The following CIB4 variants were observed in gnomAD, a reference collection of about 807,000 sequenced individuals.
CIB4 encodes calcium and integrin binding family member 4.
CIB4 carries 25 observed loss-of-function variants against 25.8 expected under a neutral mutation model. That is an observed-to-expected ratio of 0.97 (90% confidence interval 0.71 to 1.35). The LOEUF is 1.35. Among genes scored for constraint, CIB4 ranks in the 40% most tolerant of loss-of-function variants. CIB4 has a pLI of 0.00. For missense variants in CIB4, 235 were observed against 228.2 expected, an observed-to-expected ratio of 1.03 and a Z score of -0.19; for synonymous variants, 75 against 81.4, an observed-to-expected ratio of 0.92 and a Z score of 0.42.
At chr2:26,582,758 G>C (rs780668047) in intron 6 of CIB4, 67 bp downstream of exon 6, 37 of 934,104 alleles carry the variant, frequency 4.0e-5, no homozygotes, top group Non-Finnish European at 5.4e-5. Flanking sequence ...GGAGTGAGGA[G>C]AGACTGGGGG....
intron 3 of CIB4, among the ~76,000 whole-genome samples, chr2:26,604,359 G>A (rs1225511191): frequency 6.6e-6 from 1 of 152,058 alleles, no homozygotes; most frequent in Admixed American, 6.5e-5. Context: ...CAGCCTGGGT[G>A]ACAGAGCAAG....
chr2:26,589,107 CCTCTTCT>C lies in CIB4; in HGVS notation c.329-5216_329-5210del, dbSNP rs1558555129. On this transcript the variant is annotated intron_variant, in intron 4 of 6. Transcript: ENST00000288861. ...TCTTCTTCTTCTTCTTCTTCTTCTT[CCTCTTCT>C]TCTTCTTCTTCTTCTTCTTCTTCTT... Among the ~76,000 whole-genome samples, 364 of 92,314 alleles carry C rather than the reference CCTCTTCT, an allele frequency of 3.9e-3. 18 individuals are homozygous for C. The highest frequency in any genetic ancestry group is 0.011 in the Middle Eastern group (2 of 176). The allele number at this position is 92,314 out of a possible 152,430, so 60.6% of individuals were successfully genotyped here. A position where few individuals can be genotyped will look rare whatever the true frequency, so the allele number is the denominator to read the frequency against.
intron 3 of CIB4, among the ~76,000 whole-genome samples, chr2:26,610,652 C>G (rs1668980987): frequency 6.6e-6 from 1 of 152,202 alleles, no homozygotes; most frequent in Non-Finnish European, 1.5e-5. Context: ...TATACCTTCC[C>G]TCGGGTCCAA....
chr2:26,605,850 C>CAA (rs1668879259), intron 3 of CIB4, among the ~76,000 whole-genome samples: 1 of 152,200 alleles, frequency 6.6e-6, no homozygotes, highest in South Asian at 2.1e-4. Context: ...GGTCAGGACT[C>CAA]AAATTCTGAA....
At chr2:26,640,922 G>C (rs935278365) in intron 1 of CIB4, among the ~76,000 whole-genome samples, 2 of 152,172 alleles carry the variant, frequency 1.3e-5, no homozygotes, top group African/African-American at 2.4e-5. Flanking sequence ...AGGGACCACC[G>C]CTACCCCGCC....
intron 6 of CIB4, 53 bp downstream of exon 6, chr2:26,582,772 T>C: frequency 2.6e-6 from 3 of 1,147,268 alleles, no homozygotes; most frequent in Non-Finnish European, 3.9e-6. Flanking sequence ...CTGGGGGCCC[T>C]TCCTGCCCCC....
chr2:26,623,017 T>A (rs1385942309), intron 3 of CIB4, among the ~76,000 whole-genome samples: 1 of 150,836 alleles, frequency 6.6e-6, no homozygotes, highest in Non-Finnish European at 1.5e-5. Context: ...AATAAATAAA[T>A]GATAAAAACT....
At chr2:26,606,358 G>A (rs889431160) in intron 3 of CIB4, among the ~76,000 whole-genome samples, 4 of 152,202 alleles carry the variant, frequency 2.6e-5, no homozygotes, top group South Asian at 2.1e-4. Context: ...CAAAGGGCTC[G>A]GAAGGAGAAA....
intron 4 of CIB4, among the ~76,000 whole-genome samples, chr2:26,593,303 G>A (rs776270958): frequency 2.0e-5 from 3 of 151,360 alleles, no homozygotes; most frequent in Non-Finnish European, 4.4e-5. Flanking sequence ...TATATGTAGA[G>A]ATATGTGTGT....
intron 5 of CIB4, 107 bp downstream of exon 5, chr2:26,583,682 G>C: frequency 1.3e-6 from 1 of 746,848 alleles, no homozygotes; most frequent in Non-Finnish European, 2.4e-6. Flanking sequence ...CCTCAGGCTG[G>C]CCCTGGGTCT....
chr2:26,623,871 C>A (rs868465650), intron 3 of CIB4, among the ~76,000 whole-genome samples: 1 of 152,200 alleles, frequency 6.6e-6, no homozygotes, highest in Non-Finnish European at 1.5e-5. Context: ...AAACTAGAAA[C>A]CCAAGTCACA....
intron 3 of CIB4, among the ~76,000 whole-genome samples, chr2:26,616,744 C>T (rs2148214480): frequency 6.6e-6 from 1 of 152,366 alleles, no homozygotes; most frequent in African/African-American, 2.4e-5. Flanking sequence ...CCTCCTCCTA[C>T]CACACACATG....
intron 3 of CIB4, among the ~76,000 whole-genome samples, chr2:26,625,503 C>T (rs779581937): frequency 2.0e-5 from 3 of 152,158 alleles, no homozygotes; most frequent in Non-Finnish European, 4.4e-5. Flanking sequence ...CAGGCATGTG[C>T]CACCATGCCC....
chr2:26,633,310 C>G (rs1669468835), intron 2 of CIB4, among the ~76,000 whole-genome samples: 1 of 152,242 alleles, frequency 6.6e-6, no homozygotes, highest in South Asian at 2.1e-4. Flanking sequence ...CAACAACTCT[C>G]TGTGGGAGAA....
At chr2:26,583,050 C>G (rs755336821) in intron 5 of CIB4, 137 bp from the exon 6 acceptor site, 111 of 606,724 alleles carry the variant, frequency 1.8e-4, no homozygotes, top group Non-Finnish European at 3.3e-4. Flanking sequence ...CCCCTGACCC[C>G]AGTGACCCCA....
At chr2:26,616,678 G>A (rs890188619) in intron 3 of CIB4, among the ~76,000 whole-genome samples, 3 of 152,172 alleles carry the variant, frequency 2.0e-5, no homozygotes, top group Non-Finnish European at 2.9e-5. Flanking sequence ...TATGAGAAAA[G>A]CTATTCCATC....
intron 3 of CIB4, among the ~76,000 whole-genome samples, chr2:26,618,515 G>T (rs983511000): frequency 6.6e-6 from 1 of 152,150 alleles, no homozygotes; most frequent in Non-Finnish European, 1.5e-5. Context: ...GACCAGGCTG[G>T]TCTTGAACTC....
chr2:26,604,804 T>C (rs955502535), intron 3 of CIB4, among the ~76,000 whole-genome samples: 6 of 152,180 alleles, frequency 3.9e-5, no homozygotes, highest in African/African-American at 7.2e-5. Flanking sequence ...TGAATCCTTT[T>C]CAAGAAGACA....
chr2:26,600,353 G>A (rs781321652), intron 3 of CIB4, among the ~76,000 whole-genome samples: 5 of 151,704 alleles, frequency 3.3e-5, no homozygotes, highest in Non-Finnish European at 4.4e-5. Flanking sequence ...GCAGTGAGCC[G>A]AGATCGTGCC....
Sources: allele counts gnomAD v4.1 joint callset (sites outside exome capture counted in the v4.1 genomes callset), GRCh38; gene constraint gnomAD v4.1.1; transcripts MANE v1.5; gene names NCBI Gene and HGNC (gene_info 2026-07-23, HGNC 2026-07-21).